The following VAV3 variants were observed in gnomAD, a reference collection of about 807,000 sequenced individuals.
The protein encoded by VAV3 is guanine nucleotide exchange factor VAV3.
Under a neutral mutation model 131.2 loss-of-function variants are expected in VAV3, and 94 were observed. The observed-to-expected ratio is 0.72, with a 90% CI of 0.61 to 0.85. The LOEUF is 0.85. Ranked by LOEUF, VAV3 falls within the 40% of genes least tolerant of loss-of-function variation. The probability of loss-of-function intolerance (pLI) is 0.00; values close to 1 mark genes in which losing one functional copy is unlikely to be tolerated. For synonymous variants in VAV3, 349 were observed against 342.0 expected (o/e 1.02, Z -0.22); for missense variants, 939 against 1,002.7 (o/e 0.94, Z 0.86).
chr1:107,816,733 C>T (rs1667575382), intron 2 of VAV3, among the ~76,000 whole-genome samples: 1 of 152,200 alleles, frequency 6.6e-6, no homozygotes, highest in Middle Eastern at 3.4e-3. Flanking sequence ...ATAAAATGTA[C>T]ACAAAAGAAG....
At chr1:107,588,239 C>T (rs1650655674) in intron 25 of VAV3, among the ~76,000 whole-genome samples, 1 of 152,078 alleles carries the variant, frequency 6.6e-6, no homozygotes, top group Admixed American at 6.6e-5. Flanking sequence ...TGTTCAAGAA[C>T]TGTAAATTAT....
chr1:107,783,787 G>A (rs953474247), intron 2 of VAV3, among the ~76,000 whole-genome samples: 1 of 151,510 alleles, frequency 6.6e-6, no homozygotes, highest in Non-Finnish European at 1.5e-5. Context: ...GGTGGCTCAC[G>A]CCTGTAATCC....
At chr1:107,854,101 G>C (rs993970245) in intron 2 of VAV3, among the ~76,000 whole-genome samples, 3 of 152,152 alleles carry the variant, frequency 2.0e-5, no homozygotes, top group African/African-American at 7.2e-5. Flanking sequence ...TTGAGGCCAG[G>C]GGTTCGAGGC....
intron 2 of VAV3, among the ~76,000 whole-genome samples, chr1:107,851,155 G>C (rs139073388): frequency 0.029 from 4,064 of 138,516 alleles, 82 homozygotes; most frequent in Non-Finnish European, 0.047. Flanking sequence ...TTGGGAGAAA[G>C]AGTGAGACTC....
intron 2 of VAV3, among the ~76,000 whole-genome samples, chr1:107,833,490 C>G (rs771781503): frequency 4.6e-5 from 7 of 152,154 alleles, no homozygotes; most frequent in Non-Finnish European, 1.0e-4. Context: ...AATATTATCA[C>G]GTATTTGTTC....
intron 2 of VAV3, among the ~76,000 whole-genome samples, chr1:107,819,458 G>C (rs1161004097): frequency 6.6e-6 from 1 of 151,498 alleles, no homozygotes; most frequent in Admixed American, 6.6e-5. Flanking sequence ...GAATTGCCTT[G>C]GGCCAGGAGT....
At chr1:107,807,604 G>C (rs1319517060) in intron 2 of VAV3, among the ~76,000 whole-genome samples, 1 of 152,178 alleles carries the variant, frequency 6.6e-6, no homozygotes, top group East Asian at 1.9e-4. Flanking sequence ...CATACCCCTA[G>C]AGTTTCACAG....
At chr1:107,874,613 T>C (rs985759281) in intron 2 of VAV3, among the ~76,000 whole-genome samples, 22 of 151,956 alleles carry the variant, frequency 1.4e-4, no homozygotes, top group African/African-American at 5.3e-4. Context: ...AAAAAAATTA[T>C]CTCTGGAGAA....
chr1:107,699,095 C>T (rs1027221767), intron 17 of VAV3, among the ~76,000 whole-genome samples: 9 of 152,200 alleles, frequency 5.9e-5, no homozygotes, highest in African/African-American at 2.2e-4. Context: ...AACAGTCCCC[C>T]AAAGTCTTAA....
rs1362431500 is a variant in VAV3 at position 107,648,038 on chromosome 1, TC to T, written c.1778-5284del. 2.0e-5 allele frequency among the ~76,000 whole-genome samples: 3 copies of T among 151,946 alleles called. No homozygotes were observed. In the East Asian group the frequency reaches 5.8e-4, roughly 29 times the overall value. On this transcript the variant is annotated intron_variant, in intron 19 of 26. Transcript: ENST00000370056. Reference sequence around the variant, plus strand: ...CGGCATAGAATTTTGGTGGAAAAATTCCATGCTACAACAGAAGCAGGCAATT... The same window carrying T: ...CGGCATAGAATTTTGGTGGAAAAATTCATGCTACAACAGAAGCAGGCAATT...
chr1:107,622,856 T>C (rs1188941341), intron 20 of VAV3, among the ~76,000 whole-genome samples: 16 of 152,120 alleles, frequency 1.1e-4, no homozygotes, highest in Admixed American at 1.0e-3. Context: ...TATAGGTGAA[T>C]ACACTGTATA....
intron 20 of VAV3, among the ~76,000 whole-genome samples, chr1:107,629,882 G>A (rs1190159470): frequency 1.3e-5 from 2 of 152,142 alleles, no homozygotes; most frequent in African/African-American, 4.8e-5. Flanking sequence ...CTGACATAGA[G>A]TATGTGGAAA....
At chr1:107,684,850 A>T (rs1658906762) in intron 18 of VAV3, among the ~76,000 whole-genome samples, 1 of 152,234 alleles carries the variant, frequency 6.6e-6, no homozygotes, top group African/African-American at 2.4e-5. Flanking sequence ...ACACTAATTT[A>T]AAGAAAAAAT....
rs1664676467 is a variant in VAV3 at position 107,765,263 on chromosome 1, A to G, written c.822-88T>C. On this transcript the variant is annotated intron_variant, in intron 8 of 26. Coordinates refer to ENST00000370056, the MANE Select transcript of VAV3 (RefSeq NM_006113.5). ...ACAAGCAGAATCTTCATCTCTTTAAAACCATTGTTAGGGATAACCAAAATA... is the reference window on the plus strand; with the variant it reads ...ACAAGCAGAATCTTCATCTCTTTAAGACCATTGTTAGGGATAACCAAAATA... The G allele has an allele frequency of 2.9e-6, 3 of 1,046,658 alleles. No homozygotes were observed. The South Asian group carries it at 4.0e-5, about 14-fold the overall frequency. The allele number at this position is 1,046,658 out of a possible 1,614,324, so 64.8% of individuals were successfully genotyped here.
chr1:107,876,679 T>TTTCAGTGTCTAAAAGACTCAGATCCACC (rs1171183881), intron 1 of VAV3, among the ~76,000 whole-genome samples: 1 of 152,164 alleles, frequency 6.6e-6, no homozygotes, highest in Non-Finnish European at 1.5e-5. Flanking sequence ...TAAAATTTGC[T>TTTCAGTGTCTAAAAGACTCAGATCCACC]TTCAGTGTCT....
chr1:107,859,663 A>C (rs927628403), intron 2 of VAV3, among the ~76,000 whole-genome samples: 2 of 152,348 alleles, frequency 1.3e-5, no homozygotes, highest in East Asian at 3.9e-4. Flanking sequence ...AAAGAGGAGC[A>C]GTATAAATTC....
intron 19 of VAV3, among the ~76,000 whole-genome samples, chr1:107,643,622 T>C (rs1390571011): frequency 6.6e-6 from 1 of 152,134 alleles, no homozygotes; most frequent in African/African-American, 2.4e-5. Context: ...CTTCAGGACT[T>C]TTTATTCTAA....
At chr1:107,816,326 AC>A (rs1339922019) in intron 2 of VAV3, among the ~76,000 whole-genome samples, 2 of 152,230 alleles carry the variant, frequency 1.3e-5, no homozygotes, top group Non-Finnish European at 2.9e-5. Context: ...TGATAAAATA[AC>A]CATGCCAATT....
chr1:107,890,083 T>TA (rs1472067471), intron 1 of VAV3, among the ~76,000 whole-genome samples: 1 of 152,184 alleles, frequency 6.6e-6, no homozygotes. Flanking sequence ...CTTAATTTTA[T>TA]AAAAATAAAA....
Sources: allele counts gnomAD v4.1 joint callset (sites outside exome capture counted in the v4.1 genomes callset), GRCh38; gene constraint gnomAD v4.1.1; transcripts MANE v1.5; gene names NCBI Gene and HGNC (gene_info 2026-07-23, HGNC 2026-07-21).